LDAF1: variants seen among roughly 807,000 people sequenced by gnomAD.
The protein encoded by LDAF1 is lipid droplet assembly factor 1, also known as PROMETHIN.
Under a neutral mutation model 13.5 loss-of-function variants are expected in LDAF1, and 7 were observed. The observed-to-expected ratio is 0.52, with a 90% CI of 0.29 to 0.97. The LOEUF is 0.97. LDAF1 is among the 50% of genes least tolerant of loss of function. LDAF1 has a pLI of 0.07. For synonymous variants in LDAF1, 69 were observed against 77.1 expected (o/e 0.89, Z 0.55); for missense variants, 148 against 193.2 (o/e 0.77, Z 1.39).
intron 3 of LDAF1, among the ~76,000 whole-genome samples, chr16:21,173,694 C>G (rs1330859709): frequency 7.8e-6 from 1 of 128,332 alleles, no homozygotes; most frequent in Non-Finnish European, 1.6e-5. Context: ...GCCTGGGAGG[C>G]AGAGCAAGAC....
chr16:21,161,805 C>T (rs1215515778), intron 2 of LDAF1, among the ~76,000 whole-genome samples: 1 of 152,042 alleles, frequency 6.6e-6, no homozygotes, highest in Admixed American at 6.6e-5. Flanking sequence ...TGATGTGAGT[C>T]ACGTATGTAA....
At position 21,180,177 on chromosome 16, in the gene LDAF1, T is replaced by A. The variant is rs1041914988; in HGVS notation, c.*621T>A. On this transcript the variant is annotated 3_prime_UTR_variant, in exon 5 of 5. Transcript: ENST00000233047. The stretch of plus-strand genomic sequence containing the variant: ...CTGTTAATCTTTTACATATTTGCAC[T>A]TGGTACTGTTGTATTGTTCTAAAGA... 1 of 152,148 alleles carries A rather than the reference T, an allele frequency of 6.6e-6. No individual in the cohort carries two copies. Among genetic ancestry groups the A allele is most frequent in the African/African-American group, 2.4e-5 (1 of 41,398 alleles). 9.4% of individuals were successfully genotyped at this position (152,148 alleles called of 1,614,324 possible). A position where few individuals can be genotyped will look rare whatever the true frequency, so the allele number is the denominator to read the frequency against.
At chr16:21,166,961 C>G (rs2093030146) in intron 2 of LDAF1, 6 of 1,502,732 alleles carry the variant, frequency 4.0e-6, no homozygotes, top group Non-Finnish European at 5.4e-6. Context: ...ATAGCAAGCT[C>G]TTTGGTGGCT....
At chr16:21,178,581 C>G (rs1275916199) in intron 4 of LDAF1, among the ~76,000 whole-genome samples, 1 of 152,098 alleles carries the variant, frequency 6.6e-6, no homozygotes, top group African/African-American at 2.4e-5. Context: ...TATCCTTAGC[C>G]CATTGGTTTC....
chr16:21,167,015 G>T, intron 2 of LDAF1: 1 of 1,066,276 alleles, frequency 9.4e-7, no homozygotes, highest in Non-Finnish European at 1.4e-6. Context: ...AGGTCAGCGG[G>T]CATTATGCCG....
Position 21,179,507 on chromosome 16 carries a change from T to G in LDAF1, c.437T>G (p.Phe146Cys), listed in dbSNP as rs1237208503. The part of the protein sequence containing the change: ...PLTQQNTSCD[F>C]LPAMKSAEFE... ...ACACAGCAAAACACCAGTTGTGACT[T>G]TCTGCCAGCCATGAAGTCTGCAGAA... is the stretch of plus-strand genomic sequence containing the variant. Residue 146 changes from phenylalanine (F) to cysteine (C), a missense_variant, in exon 5 of 5, where the codon TTT becomes TGT. By Grantham distance (205) the Phe-to-Cys change is radical. Coordinates refer to ENST00000233047, the MANE Select transcript of LDAF1 (RefSeq NM_001301771.2). The G allele has an allele frequency of 6.2e-7, 1 of 1,614,072 alleles. No homozygotes were observed. The highest frequency in any genetic ancestry group is 2.2e-5 in the East Asian group (1 of 44,898).
At chr16:21,176,426 T>C (rs2093138874) in intron 4 of LDAF1, among the ~76,000 whole-genome samples, 1 of 152,202 alleles carries the variant, frequency 6.6e-6, no homozygotes, top group African/African-American at 2.4e-5. Flanking sequence ...GAAGATCACT[T>C]GAGGCCAGGG....
intron 3 of LDAF1, chr16:21,172,998 C>T (rs747525525): frequency 1.4e-5 from 3 of 221,106 alleles, no homozygotes; most frequent in Non-Finnish European, 2.3e-5. Context: ...TTTCCTTCTA[C>T]CTTTTATTCT....
At chr16:21,165,447 A>G (rs2093014671) in intron 2 of LDAF1, 2 of 292,208 alleles carry the variant, frequency 6.8e-6, no homozygotes, top group Non-Finnish European at 1.0e-5. Flanking sequence ...TGGATTCCTT[A>G]AGGACTGAAG....
chr16:21,179,532 A>C lies in LDAF1; in HGVS notation c.462A>C (p.Glu154Asp), dbSNP rs1063087. The change falls in exon 5 of 5, where the codon GAA becomes GAC. Residue 154 changes from glutamate to aspartate, a missense_variant. By Grantham distance (45) the Glu-to-Asp change is conservative. Transcript: ENST00000233047. ...CDFLPAMKSAEFEGLYQE is the reference protein window; with the variant it reads ...CDFLPAMKSADFEGLYQE ...TTCTGCCAGCCATGAAGTCTGCAGA[A>C]TTCGAGGGGCTTTACCAGGAATGAG... The C allele has an allele frequency of 0.77, 1,237,297 of 1,613,754 alleles. 478,910 individuals are homozygous for C. The highest frequency in any genetic ancestry group is 1 in the East Asian group (44,848 of 44,872).
At position 21,161,155 on chromosome 16, in the gene LDAF1, C is replaced by T. The variant is rs1415867096; in HGVS notation, c.-28C>T. The T allele has an allele frequency of 3.1e-6, 5 of 1,613,352 alleles. No individual in the cohort carries two copies. Among genetic ancestry groups the T allele is most frequent in the East Asian group, 2.2e-5 (1 of 44,872 alleles). ...AGAATTTACTGGTAGGATAATTCAT[C>T]CCTAAAGAGATTGAAGTGAGCTTCA... On this transcript the variant is annotated 5_prime_UTR_variant, in exon 2 of 5. Transcript: ENST00000233047.
intron 1 of LDAF1, chr16:21,159,237 C>A: frequency 1.7e-6 from 2 of 1,192,992 alleles, no homozygotes; most frequent in Non-Finnish European, 2.5e-6. Flanking sequence ...GCTTCTTTAC[C>A]CCCAAATTAA....
At chr16:21,160,931 C>A in intron 1 of LDAF1, 154 bp from the exon 2 acceptor site, 1 of 852,038 alleles carries the variant, frequency 1.2e-6, no homozygotes, top group Non-Finnish European at 1.6e-6. Flanking sequence ...AATATAAATT[C>A]CTGGATTGAA....
intron 2 of LDAF1, chr16:21,167,033 GC>G: frequency 2.2e-6 from 2 of 892,118 alleles, no homozygotes; most frequent in South Asian, 3.2e-5. Context: ...CCGTCCTGTG[GC>G]CTGGCAGGGA....
At chr16:21,167,735 G>A (rs1350372163) in intron 2 of LDAF1, among the ~76,000 whole-genome samples, 5 of 100,062 alleles carry the variant, frequency 5.0e-5, no homozygotes, top group Non-Finnish European at 7.6e-5. Flanking sequence ...GGTGGGGCGC[G>A]GTATCCCACG....
At chr16:21,160,247 T>C (rs1193409865) in intron 1 of LDAF1, among the ~76,000 whole-genome samples, 2 of 149,446 alleles carry the variant, frequency 1.3e-5, no homozygotes, top group South Asian at 4.4e-4. Flanking sequence ...CTGGGAAATA[T>C]AAAATAAGAA....
At chr16:21,159,834 A>G (rs2092947931) in intron 1 of LDAF1, 2 of 886,652 alleles carry the variant, frequency 2.3e-6, no homozygotes, top group Middle Eastern at 5.7e-4. Context: ...GGAGACCTGT[A>G]AGGGGAACTC....
chr16:21,171,894 T>C (rs1281485542), intron 3 of LDAF1, among the ~76,000 whole-genome samples: 2 of 151,842 alleles, frequency 1.3e-5, no homozygotes, highest in African/African-American at 4.8e-5. Context: ...TGCCCCACCA[T>C]GCCCGACTAA....
At chr16:21,175,250 A>G (rs548511063) in intron 4 of LDAF1, among the ~76,000 whole-genome samples, 1 of 152,364 alleles carries the variant, frequency 6.6e-6, no homozygotes, top group Admixed American at 6.5e-5. Context: ...GCTCTGTGCC[A>G]GGGACTCTCT....
Sources: gnomAD v4.1 joint callset for allele counts (sites outside exome capture counted in the v4.1 genomes callset) on GRCh38, gnomAD v4.1.1 for gene constraint, MANE v1.5 for transcripts, NCBI Gene and HGNC (gene_info 2026-07-23, HGNC 2026-07-21) for gene names.